THADA: variants seen among roughly 807,000 people sequenced by gnomAD.
THADA encodes the protein tRNA (32-2'-O)-methyltransferase regulator THADA.
A neutral mutation model predicts 219.8 loss-of-function variants in THADA; 213 were observed. The observed-to-expected ratio is 0.97, with a 90% CI of 0.87 to 1.09. The LOEUF is 1.09. THADA is among the 50% of genes least tolerant of loss of function. THADA has a pLI of 0.00. For missense variants in THADA, 2,956 were observed against 2,311.3 expected (o/e 1.28, Z -5.72); for synonymous variants, 1,018 against 828.9 (o/e 1.23, Z -3.92).
chr2:43,505,780 T>C (rs776586101), intron 23 of THADA, 45 bp from the exon 24 acceptor site: 2 of 1,364,672 alleles, frequency 1.5e-6, no homozygotes, highest in Non-Finnish European at 2.0e-6. Context: ...TTAGTTTACA[T>C]ATACTTGTTT....
chr2:43,345,143 T>C lies in THADA; in HGVS notation c.4228-906A>G, dbSNP rs111509490. 1.0e-3 allele frequency among the ~76,000 whole-genome samples: 152 copies of C among 152,354 alleles called. No homozygotes were observed. The Middle Eastern group carries it at 0.01, about 10-fold the overall frequency. On this transcript the variant is annotated intron_variant, in intron 29 of 37. Transcript: ENST00000405975. The stretch of plus-strand genomic sequence containing the variant: ...AATAACATCTGTTTTCTTTCCCTAT[T>C]ATATCCTTCTCTAGAGCTGTGAATG...
chr2:43,591,260 G>C (rs1444442322), intron 3 of THADA, among the ~76,000 whole-genome samples: 1 of 152,184 alleles, frequency 6.6e-6, no homozygotes, highest in Non-Finnish European at 1.5e-5. Context: ...GGAGGTTGAG[G>C]CTGTGGTTGA....
intron 34 of THADA, among the ~76,000 whole-genome samples, chr2:43,289,468 T>C (rs1188090469): frequency 6.6e-6 from 1 of 152,200 alleles, no homozygotes; most frequent in East Asian, 1.9e-4. Context: ...CGTCTTTTAT[T>C]TATTTCTCTC....
intron 30 of THADA, among the ~76,000 whole-genome samples, chr2:43,326,810 T>C (rs1465618): frequency 0.79 from 119,921 of 152,146 alleles, 48,417 homozygotes; most frequent in African/African-American, 0.89. Context: ...TTGGTGGGCT[T>C]CCTGGAAGAG....
At chr2:43,517,451 T>A (rs977407878) in intron 22 of THADA, among the ~76,000 whole-genome samples, 2 of 152,160 alleles carry the variant, frequency 1.3e-5, no homozygotes, top group African/African-American at 4.8e-5. Context: ...GCCAATATCT[T>A]TATTTACCAA....
chr2:43,471,576 T>A (rs1298108188), intron 26 of THADA, among the ~76,000 whole-genome samples: 1 of 152,174 alleles, frequency 6.6e-6, no homozygotes, highest in East Asian at 1.9e-4. Context: ...CTAAAATTGG[T>A]AAGTTTCTCT....
rs140219936 is a variant in THADA at position 43,249,370 on chromosome 2, A to T, written c.5297-16488T>A. ...CCCAAAATGTGGGGTTACAGGTGTG[A>T]ATCGTTGTGGCCGGCCAATGATGGT... On this transcript the variant is annotated intron_variant, in intron 36 of 37. Coordinates refer to ENST00000405975, the MANE Select transcript of THADA (RefSeq NM_022065.5). Among the ~76,000 whole-genome samples, 171 of 152,244 alleles carry T rather than the reference A, an allele frequency of 1.1e-3. 2 individuals are homozygous for T. The East Asian group carries it at 0.027, about 24-fold the overall frequency.
At chr2:43,261,609 T>C (rs1670951285) in intron 36 of THADA, among the ~76,000 whole-genome samples, 3 of 150,822 alleles carry the variant, frequency 2.0e-5, no homozygotes. Flanking sequence ...TACAGGTGCA[T>C]GCCACTAATG....
At chr2:43,504,276 T>C (rs890334266) in intron 24 of THADA, among the ~76,000 whole-genome samples, 1 of 152,166 alleles carries the variant, frequency 6.6e-6, no homozygotes, top group African/African-American at 2.4e-5. Flanking sequence ...AATAAAGACA[T>C]TTCATATCTA....
At chr2:43,552,620 G>C (rs1226551690) in intron 17 of THADA, among the ~76,000 whole-genome samples, 1 of 152,030 alleles carries the variant, frequency 6.6e-6, no homozygotes, top group African/African-American at 2.4e-5. Flanking sequence ...GGCTGATGTG[G>C]CATGTGCTAA....
chr2:43,485,285 G>A lies in THADA; in HGVS notation c.3785C>T (p.Thr1262Ile). The A allele has an allele frequency of 6.2e-7, 1 of 1,612,998 alleles. No homozygotes were observed. The highest frequency in any genetic ancestry group is 8.5e-7 in the Non-Finnish European group (1 of 1,179,400). ...TGCCCTTTTAACTCCAAAAATTCTTGTGATCAAGGCACTAAAGAGAAGTGT... is the reference window on the plus strand; with the variant it reads ...TGCCCTTTTAACTCCAAAAATTCTTATGATCAAGGCACTAAAGAGAAGTGT... ...SSTLLFSALI[T>I]RIFGVKRAKD... The change falls in exon 26 of 38, where the codon ACA becomes ATA. Residue 1262 changes from threonine to isoleucine, a missense_variant. Coordinates refer to ENST00000405975, the MANE Select transcript of THADA (RefSeq NM_022065.5).
At chr2:43,270,684 C>A (rs953943389) in intron 36 of THADA, among the ~76,000 whole-genome samples, 4 of 152,246 alleles carry the variant, frequency 2.6e-5, no homozygotes, top group African/African-American at 7.2e-5. Context: ...TGAACTTCTG[C>A]ATATTCACAT....
At chr2:43,286,833 CT>C (rs34002981) in intron 35 of THADA, 74 bp downstream of exon 35, 12 of 1,545,024 alleles carry the variant, frequency 7.8e-6, no homozygotes, top group African/African-American at 4.1e-5. Context: ...TTCACCTTCC[CT>C]TTTTTTAGGC....
At chr2:43,559,733 G>A (rs1448641663) in intron 16 of THADA, among the ~76,000 whole-genome samples, 1 of 152,228 alleles carries the variant, frequency 6.6e-6, no homozygotes, top group Non-Finnish European at 1.5e-5. Flanking sequence ...ACTAGGAACT[G>A]TTGTTAACCT....
chr2:43,278,054 G>T (rs1672927349), intron 36 of THADA, among the ~76,000 whole-genome samples: 1 of 151,088 alleles, frequency 6.6e-6, no homozygotes, highest in African/African-American at 2.4e-5. Flanking sequence ...GGGTTCAAGA[G>T]ATTCTTCTGC....
At chr2:43,476,934 G>A (rs937519558) in intron 26 of THADA, among the ~76,000 whole-genome samples, 10 of 152,116 alleles carry the variant, frequency 6.6e-5, no homozygotes, top group African/African-American at 1.2e-4. Context: ...GGTTATTATA[G>A]AATTTTTAAA....
rs750310364 is a variant in THADA at position 43,572,912 on chromosome 2, C to T, written c.1810G>A (p.Ala604Thr). The change falls in exon 12 of 38, where the codon GCT (alanine) becomes ACT (threonine). Residue 604 changes from alanine to threonine, a missense_variant. Transcript: ENST00000405975. ...LGALMACLRI[A>T]RAHGHLQSAT... Reference sequence around the variant, plus strand: ...GACTGAAGATGTCCATGAGCTCTAGCTATTCGCAGACATGCCATCAAAGCT... The same window carrying T: ...GACTGAAGATGTCCATGAGCTCTAGTTATTCGCAGACATGCCATCAAAGCT... 6.2e-7 allele frequency: 1 copy of T among 1,613,824 alleles called. No individual in the cohort carries two copies. Among genetic ancestry groups the T allele is most frequent in the Admixed American group, 1.7e-5 (1 of 59,986 alleles).
At chr2:43,314,733 C>G (rs1309421831) in intron 31 of THADA, among the ~76,000 whole-genome samples, 3 of 152,140 alleles carry the variant, frequency 2.0e-5, no homozygotes, top group Admixed American at 6.5e-5. Flanking sequence ...CAACTGGACA[C>G]TATAATTTTC....
rs780951604 is a variant in THADA at position 43,428,157 on chromosome 2, G to A, written c.4001C>T (p.Pro1334Leu). The A allele has an allele frequency of 1.6e-5, 26 of 1,610,340 alleles. No individual in the cohort carries two copies. Among genetic ancestry groups the A allele is most frequent in the African/African-American group, 4.0e-5 (3 of 74,794 alleles). The change falls in exon 28 of 38, where the codon CCG becomes CTG. Residue 1334 changes from proline (P) to leucine (L), a missense_variant. Pro to Leu is a moderately conservative substitution (Grantham distance 98). Coordinates refer to ENST00000405975, the MANE Select transcript of THADA (RefSeq NM_022065.5). The part of the protein sequence containing the change: ...LLVLERLYAS[P>L]MDGTSSALSM... ...GAGAGCAGAAGAAGTACCATCCATC[G>A]GGGAAGCGTAGAGTCTCTCCAACAC...
Sources: gnomAD v4.1 joint callset for allele counts (sites outside exome capture counted in the v4.1 genomes callset) on GRCh38, gnomAD v4.1.1 for gene constraint, MANE v1.5 for transcripts, NCBI Gene and HGNC (gene_info 2026-07-23, HGNC 2026-07-21) for gene names.